Variants in OTOGL observed in about 807,000 individuals in gnomAD.
OTOGL encodes otogelin-like protein.
A neutral mutation model predicts 318.5 loss-of-function variants in OTOGL; 285 were observed. The ratio of observed to expected loss-of-function variants is 0.89; its 90% CI spans 0.81 to 0.99. The LOEUF is 0.99. OTOGL is among the 50% of genes least tolerant of loss of function. The pLI, the probability that OTOGL is intolerant of heterozygous loss-of-function variation, is 0.00. For missense variants in OTOGL, 2,899 were observed against 2,845.6 expected, an observed-to-expected ratio of 1.02 and a Z score of -0.43; for synonymous variants, 987 against 936.5, an observed-to-expected ratio of 1.05 and a Z score of -0.99.
At chr12:80,177,358 G>A (rs904778304) in intron 1 of OTOGL, among the ~76,000 whole-genome samples, 6 of 152,180 alleles carry the variant, frequency 3.9e-5, no homozygotes, top group African/African-American at 1.2e-4. Context: ...AACACCATTT[G>A]TTAAAGAGAT....
intron 9 of OTOGL, among the ~76,000 whole-genome samples, chr12:80,237,961 G>A (rs1880013227): frequency 6.6e-6 from 1 of 152,178 alleles, no homozygotes; most frequent in Non-Finnish European, 1.5e-5. Flanking sequence ...GGAACTTTGA[G>A]ATGTCATCTT....
Position 80,185,887 on chromosome 12 carries a change from G to T in OTOGL, c.-19-23526G>T, listed in dbSNP as rs180984239. On this transcript the variant is annotated intron_variant, in intron 1 of 58. Transcript: ENST00000547103. ...TTTATTCACAAAAGGATTTGAGGTG[G>T]CACTACATAAGATACAAATATAAAA... is the stretch of plus-strand genomic sequence containing the variant. 1.8e-3 allele frequency among the ~76,000 whole-genome samples: 277 copies of T among 152,192 alleles called. 2 individuals carry two copies. Among genetic ancestry groups the T allele is most frequent in the African/African-American group, 6.5e-3 (270 of 41,518 alleles).
intron 1 of OTOGL, among the ~76,000 whole-genome samples, chr12:80,206,575 C>A (rs1195687378): frequency 6.6e-6 from 1 of 151,926 alleles, no homozygotes; most frequent in Non-Finnish European, 1.5e-5. Flanking sequence ...AGTGGTGTGA[C>A]CTCAGTTCAC....
intron 43 of OTOGL, among the ~76,000 whole-genome samples, chr12:80,340,863 A>G (rs182157577): frequency 1.8e-3 from 279 of 151,842 alleles, no homozygotes; most frequent in Non-Finnish European, 3.1e-3. Flanking sequence ...ACATATTTTT[A>G]CTAGAAATTA....
At chr12:80,302,045 T>C (rs1355925637) in intron 27 of OTOGL, among the ~76,000 whole-genome samples, 1 of 152,188 alleles carries the variant, frequency 6.6e-6, no homozygotes, top group African/African-American at 2.4e-5. Context: ...ACAATTTTTT[T>C]TTTCTTTCTT....
intron 1 of OTOGL, among the ~76,000 whole-genome samples, chr12:80,101,665 A>G (rs73355061): frequency 0.054 from 8,253 of 152,092 alleles, 734 homozygotes; most frequent in African/African-American, 0.19. Flanking sequence ...CATCACAGTA[A>G]GTGTAAAAGC....
At position 80,379,583 on chromosome 12, in the gene OTOGL, A is replaced by ATT. The variant is rs1172059953; in HGVS notation, c.*1536_*1537insTT. On this transcript the variant is annotated 3_prime_UTR_variant, in exon 59 of 59. Transcript: ENST00000547103. The stretch of plus-strand genomic sequence containing the variant: ...TTCTCTGATTCCTATTAACATATAG[A>ATT]TATATAAAATTAAATGTTTTTGGTT... The ATT allele has an allele frequency of 6.6e-6, 1 of 151,208 alleles. No individual in the cohort carries two copies. Among genetic ancestry groups the ATT allele is most frequent in the Non-Finnish European group, 1.5e-5 (1 of 67,700 alleles). 9.4% of individuals were successfully genotyped at this position (151,208 alleles called of 1,614,324 possible). A position where few individuals can be genotyped will look rare whatever the true frequency, so the allele number is the denominator to read the frequency against.
intron 4 of OTOGL, among the ~76,000 whole-genome samples, chr12:80,215,746 T>G (rs1272300370): frequency 6.6e-6 from 1 of 152,130 alleles, no homozygotes; most frequent in East Asian, 1.9e-4. Flanking sequence ...GGAAGAAGGT[T>G]TTGGTGTCCA....
chr12:80,145,073 TG>T (rs1201474446), intron 1 of OTOGL, among the ~76,000 whole-genome samples: 3 of 151,794 alleles, frequency 2.0e-5, no homozygotes, highest in Non-Finnish European at 4.4e-5. Context: ...AGATCCCATT[TG>T]TCAATTTTGT....
chr12:80,249,898 G>A (rs567536098), intron 11 of OTOGL, among the ~76,000 whole-genome samples: 80 of 152,276 alleles, frequency 5.3e-4, no homozygotes, highest in Non-Finnish European at 1.0e-3. Context: ...TCTGAAATGC[G>A]CAATATTCGG....
intron 1 of OTOGL, chr12:80,208,248 G>C (rs752009438): frequency 1.7e-5 from 9 of 515,316 alleles, no homozygotes; most frequent in South Asian, 1.3e-4. Context: ...AATGATTATT[G>C]GATTTGGAAC....
At chr12:80,196,416 A>G (rs558110311) in intron 1 of OTOGL, among the ~76,000 whole-genome samples, 1 of 152,346 alleles carries the variant, frequency 6.6e-6, no homozygotes, top group South Asian at 2.1e-4. Flanking sequence ...TGTACAATGA[A>G]CAATTAGGTT....
chr12:80,189,376 A>G, intron 1 of OTOGL: 3 of 947,260 alleles, frequency 3.2e-6, no homozygotes, highest in Non-Finnish European at 3.8e-6. Context: ...TGAGTAAAAC[A>G]AAGAGAATCC....
chr12:80,345,118 T>TTG (rs1555301347), intron 44 of OTOGL, among the ~76,000 whole-genome samples: 1 of 104,156 alleles, frequency 9.6e-6, no homozygotes, highest in Non-Finnish European at 1.9e-5. Flanking sequence ...ATATATATTA[T>TTG]TATGTTATAT....
rs1477540905 is a variant in OTOGL, at chr12:80,210,874, T to C, written c.107T>C (p.Met36Thr). ...QEYICASSILMGTSKNGFNEN... is the reference protein window; with the variant it reads ...QEYICASSILTGTSKNGFNEN... ...TATATTTGTGCATCGTCTATATTGA[T>C]GGGAACATCAAAGTGAGTATTTCTT... The change falls in exon 3 of 59, where the codon ATG becomes ACG. Residue 36 changes from methionine (M) to threonine (T), a missense_variant. Met to Thr is a moderately conservative substitution (Grantham distance 81). Coordinates refer to ENST00000547103, the MANE Select transcript of OTOGL (RefSeq NM_001378609.3). 2.0e-6 allele frequency: 3 copies of C among 1,487,258 alleles called. No individual in the cohort carries two copies. The highest frequency in any genetic ancestry group is 2.7e-6 in the Non-Finnish European group (3 of 1,116,040). 92.1% of individuals were successfully genotyped at this position (1,487,258 alleles called of 1,614,324 possible).
chr12:80,280,056 G>A (rs1013697502), intron 26 of OTOGL, among the ~76,000 whole-genome samples: 2 of 151,766 alleles, frequency 1.3e-5, no homozygotes, highest in Non-Finnish European at 2.9e-5. Flanking sequence ...AATTAATGAT[G>A]TTGAGCATTT....
chr12:80,251,501 T>C (rs896902750), intron 11 of OTOGL, among the ~76,000 whole-genome samples, 192 bp from the exon 12 acceptor site: 1 of 152,194 alleles, frequency 6.6e-6, no homozygotes, highest in African/African-American at 2.4e-5. Flanking sequence ...CCTAATTAGC[T>C]GGGGACCCAT....
At chr12:80,133,127 GA>G (rs1460449544) in intron 1 of OTOGL, among the ~76,000 whole-genome samples, 1 of 151,582 alleles carries the variant, frequency 6.6e-6, no homozygotes, top group East Asian at 1.9e-4. Flanking sequence ...TATCTTTAAG[GA>G]AAACAATCTG....
chr12:80,210,818 T>C, intron 2 of OTOGL, 29 bp from the exon 3 acceptor site: 1 of 1,388,616 alleles, frequency 7.2e-7, no homozygotes, highest in Non-Finnish European at 9.6e-7. Context: ...GATAATTTTT[T>C]TTCATTCTTA....
Sources: gnomAD v4.1 joint callset for allele counts (sites outside exome capture counted in the v4.1 genomes callset) on GRCh38, gnomAD v4.1.1 for gene constraint, MANE v1.5 for transcripts, NCBI Gene and HGNC (gene_info 2026-07-23, HGNC 2026-07-21) for gene names.